Variants in MATCAP2 observed in about 807,000 individuals in gnomAD.
The protein encoded by MATCAP2 is microtubule associated tyrosine carboxypeptidase 2.
the MATCAP2 span, among the ~76,000 whole-genome samples, chr7:36,336,797 A>T: frequency 1.6e-4 from 24 of 152,088 alleles, no homozygotes; most frequent in East Asian, 3.9e-4. Flanking sequence ...TTTTAAAAAA[A>T]TTTTTTTAAA....
the MATCAP2 span, chr7:36,383,950 T>G: frequency 1.4e-6 from 2 of 1,412,894 alleles, no homozygotes; most frequent in African/African-American, 2.9e-5. Context: ...AAAAGATTTG[T>G]GTTATTGTAT....
the MATCAP2 span, among the ~76,000 whole-genome samples, chr7:36,329,332 G>A: frequency 3.3e-5 from 5 of 152,168 alleles, no homozygotes; most frequent in Admixed American, 2.6e-4. Context: ...ATCTTGTAGG[G>A]TCTGATGTGA....
chr7:36,377,198 A>G, the MATCAP2 span, among the ~76,000 whole-genome samples: 9 of 152,312 alleles, frequency 5.9e-5, no homozygotes, highest in African/African-American at 7.2e-5. Flanking sequence ...CCTAGCATCA[A>G]TGGTCTTTAC....
chr7:36,350,604 G>C, the MATCAP2 span, among the ~76,000 whole-genome samples: 1 of 149,140 alleles, frequency 6.7e-6, no homozygotes, highest in Non-Finnish European at 1.5e-5. Context: ...GCATGATCTT[G>C]GCTCACCGCA....
the MATCAP2 span, among the ~76,000 whole-genome samples, chr7:36,359,040 A>T: frequency 5.9e-5 from 9 of 152,236 alleles, no homozygotes; most frequent in Non-Finnish European, 1.3e-4. Context: ...GAATAAACAA[A>T]TGAATAAATA....
chr7:36,369,264 A>T, the MATCAP2 span, among the ~76,000 whole-genome samples: 2 of 152,236 alleles, frequency 1.3e-5, no homozygotes, highest in Non-Finnish European at 2.9e-5. Context: ...GGACCAATAG[A>T]CGAAGAACAA....
the MATCAP2 span, chr7:36,355,637 A>C: frequency 3.9e-5 from 6 of 152,260 alleles, no homozygotes; most frequent in Non-Finnish European, 5.9e-5. Flanking sequence ...TATCTATAAT[A>C]AACAGCAAAA....
At chr7:36,363,438 C>T in the MATCAP2 span, among the ~76,000 whole-genome samples, 913 of 152,268 alleles carry the variant, frequency 6.0e-3, 9 homozygotes, top group African/African-American at 0.021. Context: ...TTGAAAACAA[C>T]AAATTTTTAT....
At chr7:36,366,665 T>C in the MATCAP2 span, 1 of 1,532,372 alleles carries the variant, frequency 6.5e-7, no homozygotes, top group Non-Finnish European at 8.7e-7. Flanking sequence ...CGGTCTAATA[T>C]TACAATCTTT....
chr7:36,357,983 G>C, the MATCAP2 span, among the ~76,000 whole-genome samples: 2 of 152,262 alleles, frequency 1.3e-5, no homozygotes, highest in Non-Finnish European at 2.9e-5. Flanking sequence ...CAGATCACTT[G>C]AGCAGGAGCT....
chr7:36,350,918 C>T, the MATCAP2 span, among the ~76,000 whole-genome samples: 2 of 152,176 alleles, frequency 1.3e-5, no homozygotes, highest in Non-Finnish European at 2.9e-5. Flanking sequence ...AACAAAATAA[C>T]TGCTGATTTC....
the MATCAP2 span, chr7:36,366,573 T>G: frequency 9.4e-7 from 1 of 1,064,794 alleles, no homozygotes. Context: ...TTCTAGAAAA[T>G]TATGAAGCTT....
the MATCAP2 span, chr7:36,330,965 C>T: frequency 1.3e-6 from 2 of 1,481,834 alleles, no homozygotes; most frequent in South Asian, 2.3e-5. Context: ...GGACTATGTG[C>T]CATGGCTTCT....
At chr7:36,385,232 C>T in the MATCAP2 span, among the ~76,000 whole-genome samples, 227 of 152,202 alleles carry the variant, frequency 1.5e-3, no homozygotes, top group African/African-American at 5.2e-3. Context: ...CACAAAGATG[C>T]GAATTCTCTC....
At chr7:36,333,040 G>A in the MATCAP2 span, among the ~76,000 whole-genome samples, 3 of 152,162 alleles carry the variant, frequency 2.0e-5, no homozygotes, top group Non-Finnish European at 4.4e-5. Context: ...CCATCTCCCT[G>A]GGACAGAGCA....
chr7:36,389,658 C>T, the MATCAP2 span: 3 of 219,274 alleles, frequency 1.4e-5, no homozygotes, highest in Non-Finnish European at 2.7e-5. Flanking sequence ...CGTTGGAGAG[C>T]AGGAAGCGCC....
chr7:36,383,711 T>C, the MATCAP2 span: 3 of 516,420 alleles, frequency 5.8e-6, no homozygotes, highest in African/African-American at 2.0e-5. Flanking sequence ...ATACCTAATA[T>C]AGATGACAGG....
At chr7:36,347,848 TC>T in the MATCAP2 span, among the ~76,000 whole-genome samples, 31 of 151,938 alleles carry the variant, frequency 2.0e-4, no homozygotes, top group Non-Finnish European at 3.7e-4. Context: ...ATCTAAAACT[TC>T]CCCCCCAAAC....
the MATCAP2 span, among the ~76,000 whole-genome samples, chr7:36,372,660 T>A: frequency 6.6e-6 from 1 of 152,252 alleles, no homozygotes; most frequent in Non-Finnish European, 1.5e-5. Context: ...AAAAAGATAC[T>A]GCTCTTTATT....
Sources: gnomAD v4.1 joint callset for allele counts (sites outside exome capture counted in the v4.1 genomes callset) on GRCh38, gnomAD v4.1.1 for gene constraint, MANE v1.5 for transcripts, NCBI Gene and HGNC (gene_info 2026-07-23, HGNC 2026-07-21) for gene names.